The following ADGRG1 variants were observed in gnomAD, a reference collection of about 807,000 sequenced individuals.
ADGRG1 encodes adhesion G protein-coupled receptor G1.
Under a neutral mutation model 73.5 loss-of-function variants are expected in ADGRG1, and 53 were observed. The observed-to-expected ratio is 0.72, with a 90% CI of 0.58 to 0.91. The LOEUF (loss-of-function observed/expected upper bound fraction) is 0.91. Among genes scored for constraint, ADGRG1 ranks in the 40% least tolerant of loss-of-function variants. ADGRG1 has a pLI of 0.00. For synonymous variants in ADGRG1, 394 were observed against 374.4 expected, an observed-to-expected ratio of 1.05 and a Z score of -0.60; for missense variants, 795 against 871.8, an observed-to-expected ratio of 0.91 and a Z score of 1.11.
At chr16:57,659,990 C>T (rs962085621) in intron 11 of ADGRG1, among the ~76,000 whole-genome samples, 2 of 152,224 alleles carry the variant, frequency 1.3e-5, no homozygotes, top group African/African-American at 2.4e-5. Flanking sequence ...GTTCAGAGAT[C>T]AGAGGGGCTG....
intron 1 of ADGRG1, chr16:57,636,166 C>A: frequency 1.0e-6 from 1 of 985,344 alleles, no homozygotes; most frequent in Non-Finnish European, 1.2e-6. Context: ...ACATCTGCTA[C>A]CTGGGCTCCC....
At chr16:57,646,781 C>A in intron 1 of ADGRG1, 1 of 867,226 alleles carries the variant, frequency 1.2e-6, no homozygotes, top group Non-Finnish European at 1.4e-6. Flanking sequence ...AAAATGGTAG[C>A]AGTGAGACCC....
intron 1 of ADGRG1, 140 bp from the exon 2 acceptor site, chr16:57,650,112 TG>T: frequency 4.0e-6 from 6 of 1,495,924 alleles, no homozygotes; most frequent in Non-Finnish European, 5.3e-6. Flanking sequence ...CTGGCCGCTC[TG>T]GGGAGGTCCA....
intron 3 of ADGRG1, chr16:57,652,755 T>A (rs537794094): frequency 1.9e-6 from 2 of 1,044,298 alleles, no homozygotes; most frequent in African/African-American, 3.4e-5. Flanking sequence ...AGCTAATCCC[T>A]GGAGACACCT....
At chr16:57,644,877 T>C (rs12596286) in intron 1 of ADGRG1, among the ~76,000 whole-genome samples, 14,675 of 124,920 alleles carry the variant, frequency 0.12, 1,010 homozygotes, top group East Asian at 0.38. Flanking sequence ...CACACACATG[T>C]ACACTCATGC....
At chr16:57,649,558 G>T (rs1446375182) in intron 1 of ADGRG1, among the ~76,000 whole-genome samples, 1 of 152,068 alleles carries the variant, frequency 6.6e-6, no homozygotes, top group African/African-American at 2.4e-5. Flanking sequence ...AACTCTGGGA[G>T]CCCCCTTTTT....
At chr16:57,649,846 T>C (rs547907081) in intron 1 of ADGRG1, among the ~76,000 whole-genome samples, 7 of 152,078 alleles carry the variant, frequency 4.6e-5, no homozygotes, top group Non-Finnish European at 8.8e-5. Context: ...GGCGCAGTTA[T>C]AGCTCACTGC....
chr16:57,637,132 T>TG (rs1440698759), intron 1 of ADGRG1: 2 of 173,374 alleles, frequency 1.2e-5, no homozygotes, highest in African/African-American at 4.8e-5. Flanking sequence ...GGCGTAAGGC[T>TG]GGGGGACGGG....
intron 13 of ADGRG1, 71 bp downstream of exon 13, chr16:57,662,036 C>T (rs2047220294): frequency 8.0e-7 from 1 of 1,255,824 alleles, no homozygotes; most frequent in African/African-American, 1.5e-5. Flanking sequence ...GAAGAGATCA[C>T]CCAGGGAACC....
intron 1 of ADGRG1, chr16:57,648,547 G>A: frequency 1.0e-6 from 1 of 980,260 alleles, no homozygotes; most frequent in South Asian, 4.7e-5. Flanking sequence ...TTTGAGGGAG[G>A]ACTGGCCCAG....
Position 57,646,677 on chromosome 16 carries a change from T to A in ADGRG1, c.-35-3576T>A, listed in dbSNP as rs8058865. 4 of 984,832 alleles carry A rather than the reference T, an allele frequency of 4.1e-6. No homozygotes were observed. The African/African-American group carries it at 7.0e-5, about 17-fold the overall frequency. The allele number at this position is 984,832 out of a possible 1,614,324, so 61.0% of individuals were successfully genotyped here. ...AGGATGTGCATCTCTGGGGCCTTTA[T>A]CAATGCCAGCTCTACAAGGAGGGGG... On this transcript the variant is annotated intron_variant, in intron 1 of 13. Coordinates refer to ENST00000562631, the MANE Select transcript of ADGRG1 (RefSeq NM_201525.4).
At chr16:57,644,229 C>T (rs1227731975) in intron 1 of ADGRG1, 1 of 976,698 alleles carries the variant, frequency 1.0e-6, no homozygotes, top group South Asian at 4.7e-5. Context: ...CGCACTCATG[C>T]ACACACACTC....
Position 57,630,451 on chromosome 16 carries a change from G to T in ADGRG1, c.-36+1649G>T. 4.1e-6 allele frequency: 4 copies of T among 985,664 alleles called. 1 individual carries two copies. In the South Asian group the frequency reaches 1.9e-4, roughly 46 times the overall value. 61.1% of individuals were successfully genotyped at this position (985,664 alleles called of 1,614,324 possible). A position where few individuals can be genotyped will look rare whatever the true frequency, so the allele number is the denominator to read the frequency against. On this transcript the variant is annotated intron_variant, in intron 1 of 13. Transcript: ENST00000562631. Reference sequence around the variant, plus strand: ...GCCCCCTTGCCCTTCCTCTCCTCTCGCCTCAGGAGCTCAGCTGCTAAATGG... The same window carrying T: ...GCCCCCTTGCCCTTCCTCTCCTCTCTCCTCAGGAGCTCAGCTGCTAAATGG...
At chr16:57,635,891 A>C in intron 1 of ADGRG1, 1 of 985,336 alleles carries the variant, frequency 1.0e-6, no homozygotes, top group Non-Finnish European at 1.2e-6. Context: ...CTCCTCATAG[A>C]GTGGCCCTGG....
intron 1 of ADGRG1, chr16:57,646,858 G>A (rs924553581): frequency 2.3e-6 from 2 of 873,302 alleles, no homozygotes; most frequent in African/African-American, 3.6e-5. Flanking sequence ...TTATCATTGC[G>A]GGGGTGTTGC....
Position 57,663,735 on chromosome 16 carries a change from C to CGG in ADGRG1, c.*154_*155dup. On this transcript the variant is annotated 3_prime_UTR_variant, in exon 14 of 14. Coordinates refer to ENST00000562631, the MANE Select transcript of ADGRG1 (RefSeq NM_201525.4). ...AGAGATGGGCCGTTGCCATGGTGGA[C>CGG]GGACTCCCGGGCTGGGCTTTTGAAT... The CGG allele has an allele frequency of 1.2e-6, 1 of 823,906 alleles. No individual in the cohort carries two copies. The highest frequency in any genetic ancestry group is 2.1e-5 in the Admixed American group (1 of 46,930). The allele number at this position is 823,906 out of a possible 1,614,324, so 51.0% of individuals were successfully genotyped here.
In ADGRG1 at chr16:57,631,109, G is replaced by C. The variant is rs577670757; in HGVS notation, c.-36+2307G>C. 25 of 887,610 alleles carry C rather than the reference G, an allele frequency of 2.8e-5. No homozygotes were observed. The East Asian group carries it at 1.9e-3, about 68-fold the overall frequency. The allele number at this position is 887,610 out of a possible 1,614,324, so 55.0% of individuals were successfully genotyped here. A position where few individuals can be genotyped will look rare whatever the true frequency, so the allele number is the denominator to read the frequency against. On this transcript the variant is annotated intron_variant, in intron 1 of 13. Transcript: ENST00000562631. ...GGCCAGGCAGTCCCAGTCTCTGGCT[G>C]CTGGGTTAAGGCTCAAGCTTGGGAG... is the stretch of plus-strand genomic sequence containing the variant.
chr16:57,660,389 G>A lies in ADGRG1; in HGVS notation c.1556-379G>A, dbSNP rs1222584510. 1.3e-5 allele frequency: 13 copies of A among 984,962 alleles called. No individual in the cohort carries two copies. In the East Asian group the frequency reaches 3.4e-4, roughly 26 times the overall value. The allele number at this position is 984,962 out of a possible 1,614,324, so 61.0% of individuals were successfully genotyped here. Reference sequence around the variant, plus strand: ...AGGGAGCTTCTAATCTCCACCGAACGGGCGAGGTCAAGGCCCAGTGCAGAC... The same window carrying A: ...AGGGAGCTTCTAATCTCCACCGAACAGGCGAGGTCAAGGCCCAGTGCAGAC... On this transcript the variant is annotated intron_variant, in intron 11 of 13. Coordinates refer to ENST00000562631, the MANE Select transcript of ADGRG1 (RefSeq NM_201525.4).
At chr16:57,631,662 A>T in intron 1 of ADGRG1, 2 of 985,312 alleles carry the variant, frequency 2.0e-6, no homozygotes, top group Non-Finnish European at 2.4e-6. Context: ...GTGACCAGAC[A>T]CAGCAACTGG....
Sources: gnomAD v4.1 joint callset for allele counts (sites outside exome capture counted in the v4.1 genomes callset) on GRCh38, gnomAD v4.1.1 for gene constraint, MANE v1.5 for transcripts, NCBI Gene and HGNC (gene_info 2026-07-23, HGNC 2026-07-21) for gene names.